The following RALYL variants were observed in gnomAD, a reference collection of about 807,000 sequenced individuals.
RALYL encodes RNA-binding Raly-like protein.
In RALYL, 29 loss-of-function variants were observed where a neutral mutation model predicts 35.1. The ratio of observed to expected loss-of-function variants is 0.83; its 90% CI spans 0.61 to 1.13. The LOEUF (loss-of-function observed/expected upper bound fraction) is 1.13, where lower values mean the gene tolerates loss of function less well. RALYL is among the 50% of genes most tolerant of loss of function. RALYL has a pLI of 0.00. For missense variants in RALYL, 359 were observed against 360.4 expected (o/e 1.00, Z 0.03); for synonymous variants, 120 against 127.6 (o/e 0.94, Z 0.40).
intron 1 of RALYL, among the ~76,000 whole-genome samples, chr8:84,257,756 T>C (rs1242412028): frequency 6.6e-6 from 1 of 152,120 alleles, no homozygotes; most frequent in Non-Finnish European, 1.5e-5. Flanking sequence ...AAGGTACGAC[T>C]CCTGAAGCTG....
chr8:84,562,027 G>A (rs901898357), intron 2 of RALYL, among the ~76,000 whole-genome samples: 18 of 151,912 alleles, frequency 1.2e-4, no homozygotes, highest in African/African-American at 4.3e-4. Context: ...TTTTCCTACT[G>A]TCATTTCACA....
intron 1 of RALYL, among the ~76,000 whole-genome samples, chr8:84,430,661 C>T (rs1043083372): frequency 5.3e-5 from 8 of 151,996 alleles, no homozygotes; most frequent in Non-Finnish European, 2.9e-5. Context: ...CACAGAAGCA[C>T]TTTTTATAAA....
intron 1 of RALYL, among the ~76,000 whole-genome samples, chr8:84,381,502 A>T (rs1045418198): frequency 1.3e-5 from 2 of 151,562 alleles, no homozygotes; most frequent in South Asian, 4.2e-4. Context: ...TTCTCATCTT[A>T]ATTTCTTTTT....
chr8:84,775,133 T>A (rs1338513188), intron 3 of RALYL, among the ~76,000 whole-genome samples: 1 of 151,788 alleles, frequency 6.6e-6, no homozygotes, highest in Non-Finnish European at 1.5e-5. Flanking sequence ...TATTATTATT[T>A]TTAGTAGAGA....
At chr8:84,579,209 C>A (rs765930464) in intron 2 of RALYL, among the ~76,000 whole-genome samples, 7 of 152,216 alleles carry the variant, frequency 4.6e-5, no homozygotes, top group African/African-American at 7.2e-5. Flanking sequence ...GTTGGCACCA[C>A]CCCAAGCATG....
intron 2 of RALYL, among the ~76,000 whole-genome samples, chr8:84,580,718 T>C (rs1303941428): frequency 6.6e-6 from 1 of 152,202 alleles, no homozygotes; most frequent in East Asian, 1.9e-4. Flanking sequence ...TGTATCTTAT[T>C]ATGAATATTG....
chr8:84,527,975 T>C (rs2059021159), intron 1 of RALYL, among the ~76,000 whole-genome samples: 2 of 152,180 alleles, frequency 1.3e-5, no homozygotes, highest in African/African-American at 4.8e-5. Context: ...TTTATGCTAC[T>C]TGGTTGCTCT....
At chr8:84,299,226 C>T (rs966262173) in intron 1 of RALYL, among the ~76,000 whole-genome samples, 2 of 151,880 alleles carry the variant, frequency 1.3e-5, no homozygotes, top group South Asian at 4.1e-4. Flanking sequence ...TTAAGATGAC[C>T]ATGAGGTTTT....
intron 2 of RALYL, among the ~76,000 whole-genome samples, chr8:84,732,752 A>C (rs1353631365): frequency 1.3e-5 from 2 of 150,702 alleles, no homozygotes; most frequent in East Asian, 1.9e-4. Flanking sequence ...GCTGGAGTGC[A>C]GTGGCGCTAT....
intron 5 of RALYL, among the ~76,000 whole-genome samples, chr8:84,857,893 G>A (rs925330573): frequency 4.0e-5 from 6 of 151,810 alleles, no homozygotes; most frequent in African/African-American, 1.2e-4. Context: ...TATTGCTAAA[G>A]CTTAATAATA....
At chr8:84,915,325 C>A (rs1848295635) in intron 8 of RALYL, among the ~76,000 whole-genome samples, 1 of 151,972 alleles carries the variant, frequency 6.6e-6, no homozygotes, top group African/African-American at 2.4e-5. Flanking sequence ...ACCCACCTCC[C>A]ACTGGAGTTG....
intron 2 of RALYL, among the ~76,000 whole-genome samples, chr8:84,710,131 G>T (rs934931751): frequency 1.3e-5 from 2 of 151,884 alleles, no homozygotes; most frequent in South Asian, 4.2e-4. Flanking sequence ...TTATCTCTAT[G>T]CCTTTGCCTA....
chr8:84,913,089 T>TAGATAGATACAC (rs1208050682), intron 8 of RALYL, among the ~76,000 whole-genome samples: 6 of 151,534 alleles, frequency 4.0e-5, no homozygotes, highest in Non-Finnish European at 5.9e-5. Context: ...GATAGATAGA[T>TAGATAGATACAC]ACACATATAC....
intron 1 of RALYL, among the ~76,000 whole-genome samples, chr8:84,339,949 G>T (rs1392092263): frequency 1.3e-5 from 2 of 152,074 alleles, no homozygotes; most frequent in Non-Finnish European, 2.9e-5. Context: ...TGTCATGGGA[G>T]GGACCCAATG....
At chr8:84,534,449 T>C (rs1248855249) in intron 2 of RALYL, among the ~76,000 whole-genome samples, 1 of 152,264 alleles carries the variant, frequency 6.6e-6, no homozygotes, top group Non-Finnish European at 1.5e-5. Flanking sequence ...ATTTATTATT[T>C]TGTAATTGAT....
At chr8:84,720,744 A>G (rs1458314472) in intron 2 of RALYL, among the ~76,000 whole-genome samples, 1 of 152,156 alleles carries the variant, frequency 6.6e-6, no homozygotes, top group African/African-American at 2.4e-5. Flanking sequence ...TATACATTTA[A>G]TAAGGGGTTC....
intron 2 of RALYL, among the ~76,000 whole-genome samples, chr8:84,591,659 A>G (rs1263541828): frequency 6.6e-6 from 1 of 152,204 alleles, no homozygotes; most frequent in African/African-American, 2.4e-5. Flanking sequence ...ATGCAGAAAC[A>G]TGAGAGAGCC....
intron 1 of RALYL, among the ~76,000 whole-genome samples, chr8:84,268,033 A>G (rs918880888): frequency 2.0e-5 from 3 of 152,250 alleles, no homozygotes; most frequent in African/African-American, 7.2e-5. Context: ...AGGTCATTAA[A>G]GAATAGGTAA....
At chr8:84,703,873 G>C (rs540266741) in intron 2 of RALYL, among the ~76,000 whole-genome samples, 1 of 152,210 alleles carries the variant, frequency 6.6e-6, no homozygotes, top group South Asian at 2.1e-4. Context: ...ATATGGCTTT[G>C]TTCCTGTGAA....
Sources: allele counts gnomAD v4.1 joint callset (sites outside exome capture counted in the v4.1 genomes callset), GRCh38; gene constraint gnomAD v4.1.1; transcripts MANE v1.5; gene names NCBI Gene and HGNC (gene_info 2026-07-23, HGNC 2026-07-21).